PCDH11X: variants seen among roughly 807,000 people sequenced by gnomAD.
PCDH11X encodes the protein protocadherin 11 X-linked.
A neutral mutation model predicts 53.3 loss-of-function variants in PCDH11X; 18 were observed. The ratio of observed to expected loss-of-function variants is 0.34; its 90% confidence interval spans 0.23 to 0.50. The LOEUF is 0.50. Ranked by LOEUF, PCDH11X falls within the 20% of genes least tolerant of loss-of-function variation. The probability of loss-of-function intolerance (pLI) is 0.98; values close to 1 mark genes in which losing one functional copy is unlikely to be tolerated. For missense variants in PCDH11X, 570 were observed against 1,032.4 expected (o/e 0.55, Z 6.14); for synonymous variants, 279 against 393.3 (o/e 0.71, Z 3.44).
chrX:92,269,707 TA>T (rs200593646), intron 8 of PCDH11X, among the ~76,000 whole-genome samples: 2 of 110,721 alleles, frequency 1.8e-5, no homozygotes, highest in African/African-American at 3.3e-5. Context: ...CATTTGTCAA[TA>T]AAAAAATATA....
intron 10 of PCDH11X, among the ~76,000 whole-genome samples, chrX:92,472,650 T>A (rs2073292673): frequency 9.0e-6 from 1 of 110,816 alleles, no homozygotes. Context: ...AAAATTTATT[T>A]CTGTAAAGAA....
chrX:91,826,072 G>T (rs1399856044), intron 4 of PCDH11X, among the ~76,000 whole-genome samples: 4 of 110,932 alleles, frequency 3.6e-5, no homozygotes, highest in African/African-American at 9.9e-5. Flanking sequence ...ATGTAGCAAG[G>T]TTATTTTGAA....
At chrX:92,148,163 TC>T (rs1227945613) in intron 6 of PCDH11X, among the ~76,000 whole-genome samples, 1 of 43,125 alleles carries the variant, frequency 2.3e-5, no homozygotes, top group African/African-American at 1.0e-4. Flanking sequence ...CTTCCTTCCT[TC>T]CTTCCTTCCT....
At chrX:92,293,824 T>C (rs2068550942) in intron 8 of PCDH11X, among the ~76,000 whole-genome samples, 1 of 94,033 alleles carries the variant, frequency 1.1e-5, no homozygotes, top group South Asian at 5.8e-4. Context: ...AAGGAAAACC[T>C]GACGACTGTC....
intron 6 of PCDH11X, chrX:92,113,254 A>C: frequency 8.3e-7 from 1 of 1,197,832 alleles, no homozygotes; most frequent in Non-Finnish European, 1.1e-6. Flanking sequence ...AGATGAGGTC[A>C]GCAACATTGG....
chrX:91,975,161 C>T (rs2062029622), intron 6 of PCDH11X, among the ~76,000 whole-genome samples: 1 of 111,118 alleles, frequency 9.0e-6, no homozygotes, highest in Non-Finnish European at 1.9e-5. Flanking sequence ...AGAATGGTGG[C>T]TTGCACAAGG....
intron 10 of PCDH11X, among the ~76,000 whole-genome samples, chrX:92,615,225 G>C (rs1927835622): frequency 9.0e-6 from 1 of 110,607 alleles, no homozygotes; most frequent in African/African-American, 3.3e-5. Context: ...CTGGAGATCT[G>C]TTTGGGTATT....
At chrX:92,457,918 A>G (rs1439830429) in intron 9 of PCDH11X, among the ~76,000 whole-genome samples, 1 of 108,289 alleles carries the variant, frequency 9.2e-6, no homozygotes, top group Non-Finnish European at 1.9e-5. Flanking sequence ...TAAAGTTGAA[A>G]TAGATATTTT....
chrX:91,866,783 G>A (rs1939016859), intron 5 of PCDH11X, among the ~76,000 whole-genome samples: 1 of 111,048 alleles, frequency 9.0e-6, no homozygotes, highest in African/African-American at 3.3e-5. Context: ...CTTGTGGGGA[G>A]GATGATCAAT....
intron 7 of PCDH11X, among the ~76,000 whole-genome samples, chrX:92,257,485 C>T (rs764284670): frequency 8.0e-5 from 9 of 111,982 alleles, no homozygotes; most frequent in Non-Finnish European, 1.5e-4. Context: ...TCCAAAGTCT[C>T]ATCTGAGAGT....
At chrX:92,298,178 C>A (rs888839019) in intron 8 of PCDH11X, among the ~76,000 whole-genome samples, 12 of 111,436 alleles carry the variant, frequency 1.1e-4, no homozygotes, top group Admixed American at 7.6e-4. Flanking sequence ...ATTTCCAGCA[C>A]TGTTTTGAAT....
At chrX:92,205,604 T>G (rs867961035) in intron 7 of PCDH11X, among the ~76,000 whole-genome samples, 25 of 100,247 alleles carry the variant, frequency 2.5e-4, no homozygotes, top group African/African-American at 9.0e-4. Context: ...AATGTTTTTT[T>G]TTTTTTTTTT....
intron 6 of PCDH11X, among the ~76,000 whole-genome samples, chrX:91,994,233 G>A (rs768767313): frequency 7.8e-4 from 80 of 102,509 alleles, no homozygotes; most frequent in African/African-American, 2.8e-3. Context: ...TGCCCTCTTA[G>A]CAAATACATT....
At chrX:92,279,650 G>A (rs975800191) in intron 8 of PCDH11X, among the ~76,000 whole-genome samples, 8 of 111,995 alleles carry the variant, frequency 7.1e-5, no homozygotes, top group Non-Finnish European at 5.6e-5. Flanking sequence ...TTAAACAAAC[G>A]CTCCTATTAA....
Position 92,099,993 on chromosome X carries a change from G to T in PCDH11X, c.3034-101382G>T, listed in dbSNP as rs188921706. Reference sequence around the variant, plus strand: ...CAAAATAATCATTAAAGAAAATAAAGAACATATATTTAAAAGATTCCATCA... The same window carrying T: ...CAAAATAATCATTAAAGAAAATAAATAACATATATTTAAAAGATTCCATCA... On this transcript the variant is annotated intron_variant, in intron 6 of 10. Transcript: ENST00000682573. Among the ~76,000 whole-genome samples the T allele has an allele frequency of 4.7e-3, 524 of 111,371 alleles. 4 individuals carry two copies. The highest frequency in any genetic ancestry group is 0.016 in the African/African-American group (486 of 30,694).
At chrX:92,360,563 A>T (rs1046124914) in intron 8 of PCDH11X, among the ~76,000 whole-genome samples, 16 of 110,289 alleles carry the variant, frequency 1.5e-4, no homozygotes, top group Non-Finnish European at 2.9e-4. Context: ...CAGCCAACTC[A>T]AAACAATGTT....
intron 6 of PCDH11X, among the ~76,000 whole-genome samples, chrX:91,926,641 T>C (rs549942652): frequency 6.3e-4 from 70 of 111,135 alleles, no homozygotes; most frequent in African/African-American, 2.2e-3. Context: ...CTTATTGTAA[T>C]AGAGTTTTTT....
chrX:92,032,789 A>C (rs1471641149), intron 6 of PCDH11X, among the ~76,000 whole-genome samples: 1 of 105,972 alleles, frequency 9.4e-6, no homozygotes, highest in Non-Finnish European at 1.9e-5. Context: ...ACATCAATTG[A>C]TTTGCATATG....
In PCDH11X at chrX:91,958,582, G is replaced by A. The variant is rs750497390; in HGVS notation, c.3033+79309G>A. Among the ~76,000 whole-genome samples, 412 of 110,570 alleles carry A rather than the reference G, an allele frequency of 3.7e-3. 1 individual carries two copies. The highest frequency in any genetic ancestry group is 4.9e-3 in the Non-Finnish European group (262 of 52,970). ...CACCACTTCCCTTGGATGAGGGTGG[G>A]GCTTCCTTTGGCTCCATGCCACTCC... On this transcript the variant is annotated intron_variant, in intron 6 of 10. Coordinates refer to ENST00000682573, the MANE Select transcript of PCDH11X (RefSeq NM_032968.5).
Sources: gnomAD v4.1 joint callset for allele counts (sites outside exome capture counted in the v4.1 genomes callset) on GRCh38, gnomAD v4.1.1 for gene constraint, MANE v1.5 for transcripts, NCBI Gene and HGNC (gene_info 2026-07-23, HGNC 2026-07-21) for gene names.